The following ANKS1B variants were observed in gnomAD, a reference collection of about 807,000 sequenced individuals.
The protein encoded by ANKS1B is ankyrin repeat and sterile alpha motif domain containing 1B.
ANKS1B carries 36 observed loss-of-function variants against 148.3 expected under a neutral mutation model. The ratio of observed to expected loss-of-function variants is 0.24; its 90% CI spans 0.19 to 0.32. The LOEUF (loss-of-function observed/expected upper bound fraction) is 0.32. Ranked by LOEUF, ANKS1B falls within the 10% of genes least tolerant of loss-of-function variation. The pLI is 1.00. For synonymous variants in ANKS1B, 542 were observed against 560.8 expected (o/e 0.97, Z 0.47); for missense variants, 1,157 against 1,542.6 (o/e 0.75, Z 4.19).
intron 17 of ANKS1B, among the ~76,000 whole-genome samples, chr12:99,026,414 C>A (rs375150119): frequency 1.3e-5 from 2 of 152,116 alleles, no homozygotes; most frequent in African/African-American, 4.8e-5. Flanking sequence ...TGTTCCAACT[C>A]CCTATAGGAG....
intron 1 of ANKS1B, among the ~76,000 whole-genome samples, chr12:99,936,289 C>T (rs2094767279): frequency 6.6e-6 from 1 of 152,102 alleles, no homozygotes; most frequent in South Asian, 2.1e-4. Flanking sequence ...AAAGCTAAGC[C>T]AAAATTAAAT....
At chr12:99,900,446 C>T (rs1359333354) in intron 1 of ANKS1B, among the ~76,000 whole-genome samples, 1 of 137,748 alleles carries the variant, frequency 7.3e-6, no homozygotes, top group African/African-American at 2.7e-5. Flanking sequence ...GCGGAGGTTG[C>T]AGTGAGCCAA....
At chr12:98,835,605 C>T (rs562996601) in intron 17 of ANKS1B, among the ~76,000 whole-genome samples, 48 of 152,188 alleles carry the variant, frequency 3.2e-4, no homozygotes, top group African/African-American at 1.1e-3. Context: ...AAAGAATATG[C>T]TCTTCTGCCA....
At chr12:99,478,040 A>C (rs2152926008) in intron 10 of ANKS1B, among the ~76,000 whole-genome samples, 1 of 152,316 alleles carries the variant, frequency 6.6e-6, no homozygotes, top group South Asian at 2.1e-4. Context: ...ACTTAAAACA[A>C]TGAAATACAG....
chr12:99,794,061 T>C (rs2065953202), intron 4 of ANKS1B, among the ~76,000 whole-genome samples: 1 of 151,998 alleles, frequency 6.6e-6, no homozygotes, highest in Non-Finnish European at 1.5e-5. Context: ...CAAACAGGTA[T>C]ATGAAAAGGT....
At chr12:99,514,306 G>C (rs944751379) in intron 9 of ANKS1B, among the ~76,000 whole-genome samples, 2 of 151,984 alleles carry the variant, frequency 1.3e-5, no homozygotes, top group African/African-American at 4.8e-5. Context: ...ATAGGGGCAA[G>C]AACCATGATA....
intron 18 of ANKS1B, among the ~76,000 whole-genome samples, chr12:98,830,612 T>C (rs1327444949): frequency 6.6e-6 from 1 of 152,242 alleles, no homozygotes; most frequent in Admixed American, 6.5e-5. Flanking sequence ...GGCAGCCCAC[T>C]GCATTTCATC....
chr12:99,436,891 C>T (rs534391197), intron 11 of ANKS1B, among the ~76,000 whole-genome samples: 3 of 151,960 alleles, frequency 2.0e-5, no homozygotes, highest in African/African-American at 4.8e-5. Context: ...TTTTCTTTAC[C>T]TCTACAGCCT....
chr12:99,696,628 G>A (rs1203475599), intron 8 of ANKS1B, among the ~76,000 whole-genome samples: 1 of 152,038 alleles, frequency 6.6e-6, no homozygotes, highest in Non-Finnish European at 1.5e-5. Flanking sequence ...ACTTCTAGAA[G>A]ATAACAGGAA....
chr12:99,333,551 G>A (rs7969765), intron 12 of ANKS1B, among the ~76,000 whole-genome samples: 11 of 152,002 alleles, frequency 7.2e-5, no homozygotes, highest in Non-Finnish European at 8.8e-5. Context: ...TCTCCTTCCT[G>A]TTGATTTAGT....
At chr12:98,950,718 G>A (rs1297403385) in intron 17 of ANKS1B, among the ~76,000 whole-genome samples, 1 of 152,116 alleles carries the variant, frequency 6.6e-6, no homozygotes, top group East Asian at 1.9e-4. Flanking sequence ...TCTGGGGTAG[G>A]TGACCCCAAC....
At chr12:99,564,893 A>G (rs1342273899) in intron 9 of ANKS1B, among the ~76,000 whole-genome samples, 3 of 152,200 alleles carry the variant, frequency 2.0e-5, no homozygotes, top group Non-Finnish European at 4.4e-5. Flanking sequence ...TCATATTATT[A>G]TAACAACCTT....
chr12:99,517,699 T>C (rs2096835697), intron 9 of ANKS1B, among the ~76,000 whole-genome samples: 1 of 152,102 alleles, frequency 6.6e-6, no homozygotes, highest in Non-Finnish European at 1.5e-5. Flanking sequence ...CCAATTTGGA[T>C]GCCCTTTATA....
At chr12:99,720,168 T>C (rs1344530036) in intron 8 of ANKS1B, among the ~76,000 whole-genome samples, 1 of 152,206 alleles carries the variant, frequency 6.6e-6, no homozygotes, top group African/African-American at 2.4e-5. Flanking sequence ...TTCTATCTGC[T>C]ATTCTACTAC....
intron 16 of ANKS1B, among the ~76,000 whole-genome samples, chr12:99,069,852 G>A (rs2045720131): frequency 6.6e-6 from 1 of 152,126 alleles, no homozygotes; most frequent in African/African-American, 2.4e-5. Context: ...AGAGTACAGA[G>A]ACGGGGCACT....
intron 17 of ANKS1B, among the ~76,000 whole-genome samples, chr12:99,010,520 T>A (rs988895930): frequency 6.6e-6 from 1 of 152,124 alleles, no homozygotes; most frequent in African/African-American, 2.4e-5. Context: ...ATATAAAATA[T>A]CTCATTGAAA....
chr12:99,359,390 T>C (rs2092306113), intron 12 of ANKS1B, among the ~76,000 whole-genome samples: 1 of 152,098 alleles, frequency 6.6e-6, no homozygotes, highest in Admixed American at 6.6e-5. Flanking sequence ...GTTCATTGCT[T>C]ACTACCTATG....
chr12:98,764,402 AT>A (rs1159334833), intron 25 of ANKS1B, among the ~76,000 whole-genome samples: 4 of 151,504 alleles, frequency 2.6e-5, no homozygotes, highest in Non-Finnish European at 5.9e-5. Flanking sequence ...AATTTTTTGC[AT>A]TTTTAGTAGA....
chr12:99,135,050 A>G (rs1173666542), intron 15 of ANKS1B, among the ~76,000 whole-genome samples: 1 of 152,184 alleles, frequency 6.6e-6, no homozygotes, highest in East Asian at 1.9e-4. Context: ...ATCTCAATAT[A>G]AAAATAACTA....
Sources: gnomAD v4.1 joint callset for allele counts (sites outside exome capture counted in the v4.1 genomes callset) on GRCh38, gnomAD v4.1.1 for gene constraint, MANE v1.5 for transcripts, NCBI Gene and HGNC (gene_info 2026-07-23, HGNC 2026-07-21) for gene names.